SERPINB8: variants seen among roughly 807,000 people sequenced by gnomAD.
SERPINB8 encodes the protein serpin family B member 8.
Under a neutral mutation model 35.3 loss-of-function variants are expected in SERPINB8, and 25 were observed. The observed-to-expected ratio is 0.71, with a 90% CI of 0.52 to 0.99. SERPINB8 has a LOEUF of 0.99. Among genes scored for constraint, SERPINB8 ranks in the 50% least tolerant of loss-of-function variants. The pLI, the probability that SERPINB8 is intolerant of heterozygous loss-of-function variation, is 0.00. For missense variants in SERPINB8, 484 were observed against 446.5 expected, an observed-to-expected ratio of 1.08 and a Z score of -0.76; for synonymous variants, 186 against 160.8, an observed-to-expected ratio of 1.16 and a Z score of -1.19.
In SERPINB8 at chr18:63,979,957, T is replaced by C. The variant is rs772273260; in HGVS notation, c.306+19T>C. On this transcript the variant is annotated intron_variant, in intron 3 of 6. Transcript: ENST00000397985. ...CCTTCCAGTAAGTAGTATTCACATA[T>C]TGATGACAAAGAAATTGAAAGTAAG... is the stretch of plus-strand genomic sequence containing the variant. The C allele has an allele frequency of 1.2e-6, 2 of 1,612,692 alleles. No homozygotes were observed. Among genetic ancestry groups the C allele is most frequent in the Non-Finnish European group, 1.7e-6 (2 of 1,178,934 alleles).
intron 2 of SERPINB8, among the ~76,000 whole-genome samples, chr18:63,979,530 C>T (rs1311951019): frequency 2.6e-5 from 4 of 151,994 alleles, no homozygotes; most frequent in Non-Finnish European, 5.9e-5. Flanking sequence ...GTTTTAGATC[C>T]CATAACTGAG....
chr18:63,972,397 T>C (rs887505522), intron 1 of SERPINB8, among the ~76,000 whole-genome samples: 1 of 152,230 alleles, frequency 6.6e-6, no homozygotes, highest in Non-Finnish European at 1.5e-5. Context: ...CTTATAGATA[T>C]GGTTCTTTCA....
chr18:63,985,240 GC>G lies in SERPINB8; in HGVS notation c.717del (p.Val240TrpfsTer20). The G allele has an allele frequency of 1.2e-6, 2 of 1,614,064 alleles. No homozygotes were observed. The highest frequency in any genetic ancestry group is 1.7e-6 in the Non-Finnish European group (2 of 1,179,996). On this transcript the variant is annotated frameshift_variant, in exon 6 of 7. Coordinates refer to ENST00000397985, the MANE Select transcript of SERPINB8 (RefSeq NM_002640.4). LOFTEE classifies it high-confidence loss of function. ...GCTTCCCGATGACAACACGGACCTC[GC>G]CGTGGTAAGCTCCAGGCAATGAGCC... Reference protein sequence around the residue: ...ILLPDDNTDLAVVEKALTYEK... With the variant: ...ILLPDDNTDLXVVEKALTYEK...
chr18:64,015,420 G>C (rs761595715), intron 7 of SERPINB8, among the ~76,000 whole-genome samples: 2 of 152,108 alleles, frequency 1.3e-5, no homozygotes, highest in East Asian at 1.9e-4. Flanking sequence ...AACATAAAAG[G>C]GTTTGCCTAG....
At chr18:63,980,929 C>G (rs1240594699) in intron 3 of SERPINB8, among the ~76,000 whole-genome samples, 1 of 152,168 alleles carries the variant, frequency 6.6e-6, no homozygotes, top group Non-Finnish European at 1.5e-5. Flanking sequence ...GTGTTGGGTA[C>G]AGGACTTTTC....
rs986828262 is a variant in SERPINB8 at position 63,987,689 on chromosome 18, C to A, written c.*411C>A. On this transcript the variant is annotated 3_prime_UTR_variant, in exon 7 of 7. Coordinates refer to ENST00000397985, the MANE Select transcript of SERPINB8 (RefSeq NM_002640.4). ...ACTGCACACAAAGCCAAGGGCAAAC[C>A]CTATAGAGTAAAGCTGCAGCCACCC... 1 of 168,468 alleles carries A rather than the reference C, an allele frequency of 5.9e-6. No individual in the cohort carries two copies. 10.4% of individuals were successfully genotyped at this position (168,468 alleles called of 1,614,324 possible). A position where few individuals can be genotyped will look rare whatever the true frequency, so the allele number is the denominator to read the frequency against.
In SERPINB8 at chr18:63,970,135, C is replaced by CGGCGGT; in HGVS notation, c.-41_-40insTGGCGG. 1 of 362,892 alleles carries CGGCGGT rather than the reference C, an allele frequency of 2.8e-6. No individual in the cohort carries two copies. The highest frequency in any genetic ancestry group is 5.4e-6 in the Non-Finnish European group (1 of 184,532). 22.5% of individuals were successfully genotyped at this position (362,892 alleles called of 1,614,324 possible). ...GGAGGAATAGTCAAAGCAGCAGCGG[C>CGGCGGT]GGCGGCGGCGGCGGCAGCAGCAGCA... On this transcript the variant is annotated 5_prime_UTR_variant, in exon 1 of 7. Transcript: ENST00000397985.
At chr18:63,976,871 A>T (rs2050590095) in intron 1 of SERPINB8, among the ~76,000 whole-genome samples, 1 of 152,090 alleles carries the variant, frequency 6.6e-6, no homozygotes. Flanking sequence ...ACTCTTGGGG[A>T]AAATGGGGCA....
At chr18:63,989,898 C>G (rs1484180337), downstream of SERPINB8, among the ~76,000 whole-genome samples, 11 of 135,196 alleles carry the variant, frequency 8.1e-5, no homozygotes, top group East Asian at 1.6e-3. Flanking sequence ...AGCCGAGATC[C>G]CGCCACTGCA....
At chr18:63,994,829 T>C (rs2050841015) in intron 1 of SERPINB8, among the ~76,000 whole-genome samples, 1 of 152,178 alleles carries the variant, frequency 6.6e-6, no homozygotes. Flanking sequence ...CCACTACTGC[T>C]GGTTATCAAG....
chr18:63,975,134 CA>C (rs1194958952), intron 1 of SERPINB8, among the ~76,000 whole-genome samples: 20 of 152,164 alleles, frequency 1.3e-4, no homozygotes, highest in East Asian at 1.9e-4. Context: ...CACACACACA[CA>C]CACACCCCAA....
chr18:63,989,812 G>A (rs1179027993), downstream of SERPINB8, among the ~76,000 whole-genome samples: 1 of 150,450 alleles, frequency 6.6e-6, no homozygotes, highest in African/African-American at 2.4e-5. Context: ...GCGTAGTGGT[G>A]GGCGCCTGTA....
intron 7 of SERPINB8, among the ~76,000 whole-genome samples, chr18:64,011,562 A>G (rs1005316334): frequency 2.6e-5 from 4 of 152,164 alleles, no homozygotes; most frequent in Non-Finnish European, 5.9e-5. Context: ...CAGTGTCCAT[A>G]CAAGTGTGTA....
rs2050706734 is a variant in SERPINB8 at position 63,983,637 on chromosome 18, T to C, written c.483T>C (p.Leu161=). ...GTVDPLTKLV[L]VNAIYFKGKW... is the part of the protein sequence containing the mutation. ...TCGATCCCCTGACAAAGCTGGTCCT[T>C]GTGAATGCCATTTATTTCAAGGGAA... Residue 161 remains leucine (L), a synonymous_variant, in exon 5 of 7, where the codon CTT becomes CTC. Coordinates refer to ENST00000397985, the MANE Select transcript of SERPINB8 (RefSeq NM_002640.4). 1.2e-6 allele frequency: 2 copies of C among 1,613,820 alleles called. No homozygotes were observed. The highest frequency in any genetic ancestry group is 2.2e-5 in the East Asian group (1 of 44,888).
chr18:63,985,395 A>G, intron 6 of SERPINB8, 150 bp downstream of exon 6: 2 of 807,490 alleles, frequency 2.5e-6, no homozygotes, highest in Non-Finnish European at 1.9e-6. Flanking sequence ...TTTGATGAAC[A>G]TGTTCATGCA....
In SERPINB8 at chr18:63,978,476, G is replaced by A. The variant is rs773270830; in HGVS notation, c.168G>A (p.Gln56=). 2 of 1,614,064 alleles carry A rather than the reference G, an allele frequency of 1.2e-6. No homozygotes were observed. The highest frequency in any genetic ancestry group is 3.3e-5 in the Admixed American group (2 of 60,014). ...GAAGCACTGCAGCCCAGATGTCCCAGGTATGTGTGCTTGTCACAAAGGAAG... is the reference window on the plus strand; with the variant it reads ...GAAGCACTGCAGCCCAGATGTCCCAAGTATGTGTGCTTGTCACAAAGGAAG... The part of the protein sequence containing the change: ...AKGSTAAQMS[Q]ALCLYKDGDI... Residue 56 remains glutamine, a splice_region_variant and synonymous_variant, in exon 2 of 7, where the codon CAG becomes CAA. Transcript: ENST00000397985.
At chr18:63,984,007 T>G (rs916625334) in intron 5 of SERPINB8, among the ~76,000 whole-genome samples, 1 of 152,122 alleles carries the variant, frequency 6.6e-6, no homozygotes, top group Non-Finnish European at 1.5e-5. Context: ...CCACCAGGCC[T>G]GGCTAATTTT....
intron 1 of SERPINB8, among the ~76,000 whole-genome samples, chr18:63,977,957 A>C (rs1453993681): frequency 6.6e-6 from 1 of 152,108 alleles, no homozygotes; most frequent in African/African-American, 2.4e-5. Flanking sequence ...TTCCTTCATC[A>C]GTGGCCCCTA....
chr18:63,974,414 T>C (rs2050547963), intron 1 of SERPINB8, among the ~76,000 whole-genome samples: 1 of 152,212 alleles, frequency 6.6e-6, no homozygotes, highest in African/African-American at 2.4e-5. Context: ...TCGTAGGTAT[T>C]TGGGGCTCCC....
Sources: allele counts gnomAD v4.1 joint callset (sites outside exome capture counted in the v4.1 genomes callset), GRCh38; gene constraint gnomAD v4.1.1; transcripts MANE v1.5; gene names NCBI Gene and HGNC (gene_info 2026-07-23, HGNC 2026-07-21).